The following SNTG2 variants were observed in gnomAD, a reference collection of about 807,000 sequenced individuals.
The protein encoded by SNTG2 is syntrophin gamma 2.
In SNTG2, 74 loss-of-function variants were observed where a neutral mutation model predicts 70.9. The ratio of observed to expected loss-of-function variants is 1.04; its 90% CI spans 0.86 to 1.27. The LOEUF (loss-of-function observed/expected upper bound fraction) is 1.27, where lower values mean the gene tolerates loss of function less well. Among genes scored for constraint, SNTG2 ranks in the 50% most tolerant of loss-of-function variants. The probability of loss-of-function intolerance (pLI) is 0.00; values close to 1 mark genes in which losing one functional copy is unlikely to be tolerated. For synonymous variants in SNTG2, 278 were observed against 273.8 expected (o/e 1.02, Z -0.15); for missense variants, 717 against 690.7 (o/e 1.04, Z -0.43).
intron 9 of SNTG2, among the ~76,000 whole-genome samples, chr2:1,222,109 C>CTGTCTCTGTA (rs760978420): frequency 2.2e-5 from 1 of 44,530 alleles, no homozygotes; most frequent in Non-Finnish European, 4.6e-5. Flanking sequence ...CTCTCTGTCT[C>CTGTCTCTGTA]TCTCTGTCTC....
intron 14 of SNTG2, among the ~76,000 whole-genome samples, chr2:1,306,636 C>T (rs1680681190): frequency 6.6e-6 from 1 of 151,804 alleles, no homozygotes; most frequent in Non-Finnish European, 1.5e-5. Flanking sequence ...GGGACTGAGA[C>T]CTGAGACTTG....
intron 1 of SNTG2, among the ~76,000 whole-genome samples, chr2:1,061,903 A>G (rs1473670786): frequency 6.6e-6 from 1 of 152,250 alleles, no homozygotes; most frequent in Non-Finnish European, 1.5e-5. Flanking sequence ...TTAAGAGCAG[A>G]GATAAATAAA....
At chr2:1,222,490 G>GATGGAGGGC (rs1675339749) in intron 9 of SNTG2, among the ~76,000 whole-genome samples, 2 of 140,720 alleles carry the variant, frequency 1.4e-5, no homozygotes, top group Non-Finnish European at 3.1e-5. Context: ...AGAGGAAAGT[G>GATGGAGGGC]GTGCAGTGAT....
chr2:1,170,160 AAAC>A (rs1434281517), intron 7 of SNTG2, among the ~76,000 whole-genome samples: 2 of 82,496 alleles, frequency 2.4e-5, no homozygotes, highest in African/African-American at 7.1e-5. Context: ...AAGAGAAAAT[AAAC>A]AACCGTTTGA....
intron 14 of SNTG2, among the ~76,000 whole-genome samples, chr2:1,277,119 T>TA (rs926932257): frequency 1.3e-4 from 20 of 152,204 alleles, no homozygotes; most frequent in African/African-American, 2.4e-4. Flanking sequence ...GCTGAAATGA[T>TA]AAAAAACATT....
At chr2:1,169,155 G>C (rs1245917031) in intron 7 of SNTG2, among the ~76,000 whole-genome samples, 1 of 152,180 alleles carries the variant, frequency 6.6e-6, no homozygotes, top group South Asian at 2.1e-4. Flanking sequence ...GACCATACAG[G>C]CTCACGAAGG....
intron 6 of SNTG2, among the ~76,000 whole-genome samples, chr2:1,141,632 T>A (rs34555860): frequency 0.13 from 19,930 of 152,222 alleles, 1,686 homozygotes; most frequent in East Asian, 0.27. Flanking sequence ...ATCTTTCAAG[T>A]TTTCCCTACA....
chr2:1,257,707 C>T (rs1337029384), intron 12 of SNTG2, among the ~76,000 whole-genome samples: 2 of 152,174 alleles, frequency 1.3e-5, no homozygotes, highest in Non-Finnish European at 2.9e-5. Flanking sequence ...AGCACGATGA[C>T]AGCGGTGAAA....
At chr2:1,203,836 T>C (rs1292330085) in intron 8 of SNTG2, among the ~76,000 whole-genome samples, 1 of 151,960 alleles carries the variant, frequency 6.6e-6, no homozygotes, top group African/African-American at 2.4e-5. Context: ...AAAATGGGGC[T>C]TATTTCAGGA....
At chr2:962,594 A>G (rs1327400594) in intron 1 of SNTG2, among the ~76,000 whole-genome samples, 1 of 152,266 alleles carries the variant, frequency 6.6e-6, no homozygotes, top group African/African-American at 2.4e-5. Flanking sequence ...TGGTACAAAT[A>G]GAATCAACAT....
chr2:1,002,314 G>C (rs1659422254), intron 1 of SNTG2, among the ~76,000 whole-genome samples: 2 of 152,098 alleles, frequency 1.3e-5, no homozygotes, highest in African/African-American at 4.8e-5. Flanking sequence ...ATAGTGAACA[G>C]ACAACTTATA....
chr2:1,121,707 C>G (rs1191902996), intron 4 of SNTG2, among the ~76,000 whole-genome samples: 1 of 152,096 alleles, frequency 6.6e-6, no homozygotes, highest in Admixed American at 6.6e-5. Flanking sequence ...ACTTGTAGAA[C>G]CATCAGACCT....
At chr2:1,109,122 G>A (rs1666267477) in intron 4 of SNTG2, among the ~76,000 whole-genome samples, 1 of 152,098 alleles carries the variant, frequency 6.6e-6, no homozygotes, top group Admixed American at 6.5e-5. Flanking sequence ...GGTATGGAGA[G>A]CTGGATGCAC....
chr2:1,206,546 C>G (rs547677102), intron 8 of SNTG2, among the ~76,000 whole-genome samples: 9 of 152,230 alleles, frequency 5.9e-5, no homozygotes, highest in African/African-American at 2.2e-4. Context: ...TGACTTCTCC[C>G]CTAGCTGCTA....
At chr2:1,284,753 A>G (rs1679698990) in intron 14 of SNTG2, among the ~76,000 whole-genome samples, 2 of 152,154 alleles carry the variant, frequency 1.3e-5, no homozygotes, top group South Asian at 2.1e-4. Context: ...TACTGGAACC[A>G]TATTATATTT....
chr2:1,334,593 A>G (rs1234132933), intron 16 of SNTG2, among the ~76,000 whole-genome samples: 2 of 152,242 alleles, frequency 1.3e-5, no homozygotes, highest in Non-Finnish European at 2.9e-5. Context: ...CATATACTCC[A>G]TGGAATATTA....
intron 9 of SNTG2, among the ~76,000 whole-genome samples, chr2:1,233,019 T>A (rs1213254294): frequency 6.6e-6 from 1 of 152,114 alleles, no homozygotes; most frequent in East Asian, 1.9e-4. Flanking sequence ...CGACAGGGAG[T>A]GACAGGCTGT....
chr2:1,180,997 C>T (rs769375485), intron 8 of SNTG2, among the ~76,000 whole-genome samples: 7 of 152,090 alleles, frequency 4.6e-5, no homozygotes, highest in South Asian at 2.1e-4. Flanking sequence ...TATTCTCACT[C>T]ATAGGTGGGA....
chr2:1,331,838 T>C (rs993809226), intron 16 of SNTG2, among the ~76,000 whole-genome samples: 1 of 152,206 alleles, frequency 6.6e-6, no homozygotes, highest in Non-Finnish European at 1.5e-5. Context: ...AGATCTCTCA[T>C]TGCATGTTCA....
Sources: allele counts gnomAD v4.1 joint callset (sites outside exome capture counted in the v4.1 genomes callset), GRCh38; gene constraint gnomAD v4.1.1; transcripts MANE v1.5; gene names NCBI Gene and HGNC (gene_info 2026-07-23, HGNC 2026-07-21).